Variants in PARP14 observed in about 807,000 individuals in gnomAD.
PARP14 encodes poly(ADP-ribose) polymerase family member 14.
Under a neutral mutation model 154.2 loss-of-function variants are expected in PARP14, and 59 were observed. The observed-to-expected ratio is 0.38, with a 90% CI of 0.31 to 0.48. The LOEUF (loss-of-function observed/expected upper bound fraction) is 0.48, where lower values mean the gene tolerates loss of function less well. Among genes scored for constraint, PARP14 ranks in the 20% least tolerant of loss-of-function variants. PARP14 has a pLI of 0.98. For missense variants in PARP14, 1,734 were observed against 2,131.6 expected (o/e 0.81, Z 3.67); for synonymous variants, 720 against 780.5 (o/e 0.92, Z 1.29).
chr3:122,696,018 G>A (rs1377833883), intron 5 of PARP14, among the ~76,000 whole-genome samples: 2 of 152,154 alleles, frequency 1.3e-5, no homozygotes, highest in African/African-American at 4.8e-5. Flanking sequence ...ACAAGGTTAG[G>A]TAAAGAAATA....
intron 11 of PARP14, 150 bp downstream of exon 11, chr3:122,714,084 G>A (rs1667061182): frequency 1.3e-6 from 1 of 775,204 alleles, no homozygotes; most frequent in Admixed American, 2.8e-5. Context: ...ACTTAGAAGT[G>A]AAAAGTAATC....
chr3:122,686,824 T>C (rs529420995), intron 2 of PARP14: 1 of 445,806 alleles, frequency 2.2e-6, no homozygotes, highest in Non-Finnish European at 4.0e-6. Context: ...TGATGTAGGA[T>C]GTACCTCATA....
At chr3:122,688,968 G>A (rs1229385843) in intron 3 of PARP14, among the ~76,000 whole-genome samples, 3 of 152,204 alleles carry the variant, frequency 2.0e-5, no homozygotes, top group African/African-American at 7.2e-5. Flanking sequence ...TCCAGGATAA[G>A]CTTAGTTGGG....
In PARP14 at chr3:122,681,106, C is replaced by T. The variant is rs761100512; in HGVS notation, c.187+36C>T. On this transcript the variant is annotated intron_variant, in intron 1 of 16. Coordinates refer to ENST00000474629, the MANE Select transcript of PARP14 (RefSeq NM_017554.3). The surrounding 1 kb of genome is among the most constrained non-coding windows in gnomAD (Gnocchi z 5.5). ...CGAGGGGTGGGGTGAGGAGGGGGCA[C>T]CTCTGCCCTCCCTCCAGGGAAATGG... is the stretch of plus-strand genomic sequence containing the variant. The T allele has an allele frequency of 2.7e-6, 4 of 1,507,598 alleles. No homozygotes were observed. The East Asian group carries it at 6.8e-5, about 26-fold the overall frequency. The allele number at this position is 1,507,598 out of a possible 1,614,324, so 93.4% of individuals were successfully genotyped here.
At chr3:122,695,691 C>A (rs1411917773) in intron 5 of PARP14, 29 bp downstream of exon 5, 1 of 1,044,974 alleles carries the variant, frequency 9.6e-7, no homozygotes, top group Non-Finnish European at 1.5e-6. Context: ...TCATACCTGG[C>A]ATAATCTAGG....
In PARP14 at chr3:122,695,407, T is replaced by G. The variant is rs762801312; in HGVS notation, c.599-19T>G. ...ATAAAAATTTACTGATTTTCTTTCT[T>G]TTTTTTTTTGGTTTGTAGATACTAT... is the stretch of plus-strand genomic sequence containing the variant. On this transcript the variant is annotated intron_variant, in intron 4 of 16. Transcript: ENST00000474629. The G allele has an allele frequency of 6.4e-6, 7 of 1,090,168 alleles. No homozygotes were observed. The South Asian group carries it at 9.1e-5, about 14-fold the overall frequency. The allele number at this position is 1,090,168 out of a possible 1,614,324, so 67.5% of individuals were successfully genotyped here.
intron 4 of PARP14, among the ~76,000 whole-genome samples, chr3:122,694,573 C>A (rs190703747): frequency 6.6e-6 from 1 of 152,130 alleles, no homozygotes; most frequent in Non-Finnish European, 1.5e-5. Flanking sequence ...CTTGCTCTGT[C>A]GCCCAGGCTG....
At chr3:122,690,270 T>C (rs778250714) in intron 3 of PARP14, among the ~76,000 whole-genome samples, 6 of 152,356 alleles carry the variant, frequency 3.9e-5, no homozygotes, top group Admixed American at 1.3e-4. Context: ...CAAGGTCACA[T>C]GGCTAAAGAG....
In PARP14 at chr3:122,726,978, A is replaced by G. The variant is rs1369911059; in HGVS notation, c.4942-834A>G. On this transcript the variant is annotated intron_variant, in intron 15 of 16. Transcript: ENST00000474629. ...GAGTGCGAATTGTATCTTAATTAAA[A>G]AGAGAAAACCCAAAACTGGAAAAAA... is the stretch of plus-strand genomic sequence containing the variant. Among the ~76,000 whole-genome samples, 12 of 150,136 alleles carry G rather than the reference A, an allele frequency of 8.0e-5. No individual in the cohort carries two copies. The Admixed American group carries it at 8.2e-4, about 10-fold the overall frequency.
intron 12 of PARP14, 137 bp from the exon 13 acceptor site, chr3:122,717,934 T>C (rs932842045): frequency 1.4e-6 from 1 of 690,456 alleles, no homozygotes; most frequent in Non-Finnish European, 2.5e-6. Context: ...GCTGATGCTT[T>C]GTTAGAAAAT....
rs377745953 is a variant in PARP14, at chr3:122,685,285, C to T, written c.288C>T (p.Ile96=). ...AGTTACCTGCAACCCCAGATGAAAT[C>T]GATCATGTCTTTGAAGAGGAACTTC... The part of the protein sequence containing the change: ...TVQLPATPDE[I]DHVFEEELLT... Residue 96 remains isoleucine (I), a synonymous_variant, in exon 2 of 17, where the codon ATC becomes ATT. Transcript: ENST00000474629. 26 of 1,613,594 alleles carry T rather than the reference C, an allele frequency of 1.6e-5. No homozygotes were observed. The highest frequency in any genetic ancestry group is 5.5e-5 in the South Asian group (5 of 91,070).
chr3:122,699,747 ATAAAGTCAACCCAAT>A lies in PARP14; in HGVS notation c.1200_1214del (p.Asn401_Val405del). On this transcript the variant is annotated inframe_deletion, in exon 6 of 17. Transcript: ENST00000474629. ...ACACTCTCTAGCATCAGGTCTAAAT[ATAAAGTCAACCCAAT>A]TAAAGTGGATCCAACAATGTGGGAC... 1 of 1,613,996 alleles carries A rather than the reference ATAAAGTCAACCCAAT, an allele frequency of 6.2e-7. No individual in the cohort carries two copies. Among genetic ancestry groups the A allele is most frequent in the East Asian group, 2.2e-5 (1 of 44,892 alleles).
At chr3:122,685,658 T>C (rs988371986) in intron 2 of PARP14, among the ~76,000 whole-genome samples, 2 of 152,074 alleles carry the variant, frequency 1.3e-5, no homozygotes, top group African/African-American at 4.8e-5. Context: ...TACAGGCATA[T>C]GCCACTATGC....
intron 8 of PARP14, among the ~76,000 whole-genome samples, chr3:122,706,978 T>C (rs1472926398): frequency 3.3e-5 from 5 of 152,220 alleles, no homozygotes; most frequent in Admixed American, 6.5e-5. Flanking sequence ...TCTCTTAACA[T>C]TGTAGTTTTT....
chr3:122,713,595 G>A, intron 10 of PARP14, 22 bp downstream of exon 10: 1 of 1,603,858 alleles, frequency 6.2e-7, no homozygotes, highest in South Asian at 1.1e-5. Context: ...ATTTTGATGA[G>A]TGCAATAGTT....
chr3:122,690,755 G>A (rs1364698250), intron 3 of PARP14, among the ~76,000 whole-genome samples: 8 of 152,112 alleles, frequency 5.3e-5, no homozygotes, highest in Non-Finnish European at 4.4e-5. Context: ...CAAGTGATCC[G>A]CCTGCCTCGT....
chr3:122,712,893 T>C (rs1008380497), intron 9 of PARP14, among the ~76,000 whole-genome samples: 1 of 152,216 alleles, frequency 6.6e-6, no homozygotes, highest in Non-Finnish European at 1.5e-5. Flanking sequence ...TAAGGGTTGA[T>C]CAAATTTTCC....
chr3:122,699,649 C>T lies in PARP14; in HGVS notation c.1095C>T (p.Thr365=), dbSNP rs1239628999. Residue 365 remains threonine (T), a synonymous_variant, in exon 6 of 17, where the codon ACC becomes ACT. Coordinates refer to ENST00000474629, the MANE Select transcript of PARP14 (RefSeq NM_017554.3). The part of the protein sequence containing the change: ...LTWSQLSGKV[T]IRPAATLVNE... The stretch of plus-strand genomic sequence containing the variant: ...GGTCCCAACTCAGTGGTAAAGTTAC[C>T]ATCAGACCAGCAGCCACCTTAGTCA... The T allele has an allele frequency of 1.2e-6, 2 of 1,613,868 alleles. No homozygotes were observed.
chr3:122,713,797 G>T (rs556135983), intron 10 of PARP14, 75 bp from the exon 11 acceptor site: 2 of 1,130,940 alleles, frequency 1.8e-6, no homozygotes, highest in Non-Finnish European at 2.7e-6. Context: ...AATGCATTCA[G>T]ATAATCCTTC....
Sources: allele counts gnomAD v4.1 joint callset (sites outside exome capture counted in the v4.1 genomes callset), GRCh38; gene constraint gnomAD v4.1.1; non-coding constraint Gnocchi (gnomAD v3.1); transcripts MANE v1.5; gene names NCBI Gene and HGNC (gene_info 2026-07-23, HGNC 2026-07-21).